Variants in SNX14 observed in about 807,000 individuals in gnomAD.
SNX14 encodes sorting nexin-14.
A neutral mutation model predicts 133.8 loss-of-function variants in SNX14; 93 were observed. The ratio of observed to expected loss-of-function variants is 0.70; its 90% confidence interval spans 0.59 to 0.83. The LOEUF (loss-of-function observed/expected upper bound fraction) is 0.83, where lower values mean the gene tolerates loss of function less well. SNX14 is among the 40% of genes least tolerant of loss of function. The probability of loss-of-function intolerance (pLI) is 0.00; values close to 1 mark genes in which losing one functional copy is unlikely to be tolerated. For synonymous variants in SNX14, 368 were observed against 365.6 expected (o/e 1.01, Z -0.07); for missense variants, 945 against 1,094.9 (o/e 0.86, Z 1.93).
In SNX14 at chr6:85,543,162, A is replaced by G; in HGVS notation, c.1389+20T>C. 1.3e-6 allele frequency: 2 copies of G among 1,511,812 alleles called. No homozygotes were observed. The highest frequency in any genetic ancestry group is 8.8e-7 in the Non-Finnish European group (1 of 1,133,850). 93.6% of individuals were successfully genotyped at this position (1,511,812 alleles called of 1,614,324 possible). A position where few individuals can be genotyped will look rare whatever the true frequency, so the allele number is the denominator to read the frequency against. On this transcript the variant is annotated intron_variant, in intron 14 of 28. Transcript: ENST00000314673. The stretch of plus-strand genomic sequence containing the variant: ...AATTATGTATAAAAATCCTCAAACA[A>G]GGTTAATATTTTGACTTACCTCATC...
chr6:85,522,477 A>C (rs907226656), intron 21 of SNX14, among the ~76,000 whole-genome samples: 3 of 152,234 alleles, frequency 2.0e-5, no homozygotes, highest in Non-Finnish European at 4.4e-5. Context: ...GGATAAATTT[A>C]CATCTTTACA....
intron 18 of SNX14, among the ~76,000 whole-genome samples, chr6:85,532,349 G>GAAT (rs1437569083): frequency 1.3e-5 from 2 of 152,218 alleles, no homozygotes; most frequent in East Asian, 3.8e-4. Context: ...GACCTGGACA[G>GAAT]AAGATGCTGC....
intron 17 of SNX14, among the ~76,000 whole-genome samples, chr6:85,535,916 C>G (rs1781831332): frequency 6.6e-6 from 1 of 152,134 alleles, no homozygotes; most frequent in Non-Finnish European, 1.5e-5. Flanking sequence ...ACGTCTTAAT[C>G]ATCTTTTCAT....
chr6:85,547,101 G>A lies in SNX14; in HGVS notation c.1108+11C>T, dbSNP rs746329769. On this transcript the variant is annotated intron_variant, in intron 12 of 28. Transcript: ENST00000314673. ...AAAATTACTTTCGTAAAATACACAG[G>A]TAAGCCTCACCCACAGTCAAACAAA... 22 of 1,602,484 alleles carry A rather than the reference G, an allele frequency of 1.4e-5. No individual in the cohort carries two copies. The highest frequency in any genetic ancestry group is 6.8e-5 in the Admixed American group (4 of 58,846).
At position 85,556,505 on chromosome 6, in the gene SNX14, C is replaced by G. The variant is rs960572662; in HGVS notation, c.634+1471G>C. Among the ~76,000 whole-genome samples the G allele has an allele frequency of 4.5e-4, 63 of 141,248 alleles. 1 individual carries two copies. Among genetic ancestry groups the G allele is most frequent in the Non-Finnish European group, 8.1e-4 (54 of 66,352 alleles). 92.7% of individuals were successfully genotyped at this position (141,248 alleles called of 152,430 possible). A position where few individuals can be genotyped will look rare whatever the true frequency, so the allele number is the denominator to read the frequency against. On this transcript the variant is annotated intron_variant, in intron 7 of 28. Coordinates refer to ENST00000314673, the MANE Select transcript of SNX14 (RefSeq NM_153816.6). ...TTTTTTTTTGAGATGGAGTCTTGCT[C>G]TATCACCCAGGCTGGAGTGCAGTGG...
intron 20 of SNX14, among the ~76,000 whole-genome samples, chr6:85,526,619 C>T (rs988665877): frequency 6.6e-6 from 1 of 152,204 alleles, no homozygotes; most frequent in Non-Finnish European, 1.5e-5. Context: ...ACTATTATTT[C>T]CAGTTTCTCA....
chr6:85,549,595 A>C, intron 8 of SNX14, 128 bp downstream of exon 8: 5 of 561,948 alleles, frequency 8.9e-6, no homozygotes, highest in Non-Finnish European at 1.1e-5. Flanking sequence ...AACTTAATAA[A>C]TTTTTTCAAA....
chr6:85,591,808 G>A (rs978636421), intron 1 of SNX14, among the ~76,000 whole-genome samples: 18 of 152,104 alleles, frequency 1.2e-4, no homozygotes, highest in Admixed American at 9.2e-4. Context: ...TCAGGAGTTC[G>A]AGACCAGCCT....
intron 7 of SNX14, 123 bp downstream of exon 7, chr6:85,557,853 G>T: frequency 1.6e-6 from 1 of 632,398 alleles, no homozygotes; most frequent in Non-Finnish European, 2.8e-6. Flanking sequence ...CAGTTTAAGA[G>T]AATACTCTCG....
At chr6:85,535,432 T>C (rs1781619303) in intron 17 of SNX14, among the ~76,000 whole-genome samples, 1 of 151,448 alleles carries the variant, frequency 6.6e-6, no homozygotes, top group African/African-American at 2.4e-5. Flanking sequence ...GCCAACATGG[T>C]GAAACCCCAT....
At chr6:85,587,393 T>C (rs916210454) in intron 1 of SNX14, among the ~76,000 whole-genome samples, 1 of 152,106 alleles carries the variant, frequency 6.6e-6, no homozygotes, top group Non-Finnish European at 1.5e-5. Context: ...AAAGTAACCA[T>C]AGCTATACTG....
intron 15 of SNX14, among the ~76,000 whole-genome samples, chr6:85,540,473 G>A (rs1411457982): frequency 6.6e-6 from 1 of 152,152 alleles, no homozygotes; most frequent in Non-Finnish European, 1.5e-5. Flanking sequence ...CATGTGGCCT[G>A]GGCAAAGAAC....
chr6:85,586,108 C>T (rs1318362983), intron 1 of SNX14, among the ~76,000 whole-genome samples: 1 of 151,850 alleles, frequency 6.6e-6, no homozygotes, highest in East Asian at 1.9e-4. Context: ...CAACAAAATC[C>T]AGAATGTGAA....
chr6:85,539,379 G>A (rs1782898954), intron 15 of SNX14, among the ~76,000 whole-genome samples: 2 of 152,014 alleles, frequency 1.3e-5, no homozygotes, highest in African/African-American at 4.8e-5. Flanking sequence ...TATGCTTCAC[G>A]TTTTTAGGTT....
chr6:85,553,219 G>C (rs1170843496), intron 7 of SNX14, among the ~76,000 whole-genome samples: 1 of 152,182 alleles, frequency 6.6e-6, no homozygotes, highest in East Asian at 1.9e-4. Context: ...TTTGGCAACA[G>C]TACTAAGAAG....
intron 6 of SNX14, among the ~76,000 whole-genome samples, chr6:85,558,451 C>T (rs573846674): frequency 6.6e-6 from 1 of 152,028 alleles, no homozygotes; most frequent in South Asian, 2.1e-4. Context: ...TGAGATAAAT[C>T]CTGGTTTGTT....
intron 6 of SNX14, among the ~76,000 whole-genome samples, chr6:85,563,971 T>C (rs1792819820): frequency 6.6e-6 from 1 of 152,086 alleles, no homozygotes; most frequent in South Asian, 2.1e-4. Flanking sequence ...CCACCCTGTG[T>C]CCAAATGTTC....
intron 26 of SNX14, 161 bp from the exon 27 acceptor site, chr6:85,508,220 G>T: frequency 7.8e-7 from 1 of 1,289,182 alleles, no homozygotes. Flanking sequence ...TCCTGGATAA[G>T]AGGTTTCTAT....
At chr6:85,528,485 A>T in intron 19 of SNX14, 123 bp from the exon 20 acceptor site, 1 of 552,004 alleles carries the variant, frequency 1.8e-6, no homozygotes, top group African/African-American at 1.9e-5. Flanking sequence ...CAGATGTGAC[A>T]TTACTCTTTG....
Sources: gnomAD v4.1 joint callset for allele counts (sites outside exome capture counted in the v4.1 genomes callset) on GRCh38, gnomAD v4.1.1 for gene constraint, MANE v1.5 for transcripts, NCBI Gene and HGNC (gene_info 2026-07-23, HGNC 2026-07-21) for gene names.